The following KIRREL3 variants were observed in gnomAD, a reference collection of about 807,000 sequenced individuals.
KIRREL3 encodes the protein kin of IRRE-like protein 3.
In KIRREL3, 36 loss-of-function variants were observed where a neutral mutation model predicts 89.7. That is an observed-to-expected ratio of 0.40 (90% CI 0.31 to 0.53). The LOEUF (loss-of-function observed/expected upper bound fraction) is 0.53. Among genes scored for constraint, KIRREL3 ranks in the 20% least tolerant of loss-of-function variants. The pLI is 0.49. For synonymous variants in KIRREL3, 445 were observed against 441.4 expected, an observed-to-expected ratio of 1.01 and a Z score of -0.10; for missense variants, 864 against 1,056.6, an observed-to-expected ratio of 0.82 and a Z score of 2.53.
chr11:126,607,046 T>G lies in KIRREL3; in HGVS notation c.56-44134A>C, dbSNP rs1404779877. Among the ~76,000 whole-genome samples, 1 of 152,188 alleles carries G rather than the reference T, an allele frequency of 6.6e-6. No individual in the cohort carries two copies. Among genetic ancestry groups the G allele is most frequent in the Non-Finnish European group, 1.5e-5 (1 of 68,032 alleles). On this transcript the variant is annotated intron_variant, in intron 1 of 16. Transcript: ENST00000525144. The surrounding 1 kb of genome is among the most constrained non-coding windows in gnomAD (Gnocchi z 6.6). ...CCACATGTTTATCCTTATTAAGCAG[T>G]TGTTCTCTTCCAAGGGGCTCTCTCT...
At chr11:126,770,971 G>A (rs1338870734) in intron 1 of KIRREL3, among the ~76,000 whole-genome samples, 2 of 152,164 alleles carry the variant, frequency 1.3e-5, no homozygotes, top group African/African-American at 4.8e-5. Context: ...GAGTAGCTGG[G>A]ATTACAGGTG....
Position 126,682,009 on chromosome 11 carries a change from A to G in KIRREL3, c.56-119097T>C, listed in dbSNP as rs1946478952. 2.5e-6 allele frequency: 1 copy of G among 393,788 alleles called. No individual in the cohort carries two copies. Among genetic ancestry groups the G allele is most frequent in the Non-Finnish European group, 5.1e-6 (1 of 197,384 alleles). 24.4% of individuals were successfully genotyped at this position (393,788 alleles called of 1,614,324 possible). ...TTTGGGAATCAGGAGACCAGATGTCAAGACTGGACTACATCTTTATATTCA... is the reference window on the plus strand; with the variant it reads ...TTTGGGAATCAGGAGACCAGATGTCGAGACTGGACTACATCTTTATATTCA... On this transcript the variant is annotated intron_variant, in intron 1 of 16. Transcript: ENST00000525144. This position sits in a 1 kb window ranked among gnomAD's most constrained non-coding sequence, Gnocchi z 4.8.
chr11:126,995,381 C>T lies in KIRREL3; in HGVS notation c.55+5074G>A, dbSNP rs1950154639. The T allele has an allele frequency of 2.2e-6, 1 of 455,466 alleles. No homozygotes were observed. The highest frequency in any genetic ancestry group is 4.4e-6 in the Non-Finnish European group (1 of 226,332). The allele number at this position is 455,466 out of a possible 1,614,324, so 28.2% of individuals were successfully genotyped here. Reference sequence around the variant, plus strand: ...CTTCTCCACTGATGAATTAGAACACCCCTCTTCCCAGGCACAGGACGAGTT... The same window carrying T: ...CTTCTCCACTGATGAATTAGAACACTCCTCTTCCCAGGCACAGGACGAGTT... On this transcript the variant is annotated intron_variant, in intron 1 of 16. Transcript: ENST00000525144. The surrounding 1 kb of genome is among the most constrained non-coding windows in gnomAD (Gnocchi z 6.5).
chr11:126,594,016 A>G lies in KIRREL3; in HGVS notation c.56-31104T>C, dbSNP rs1342232239. On this transcript the variant is annotated intron_variant, in intron 1 of 16. Transcript: ENST00000525144. The surrounding 1 kb of genome is among the most constrained non-coding windows in gnomAD (Gnocchi z 5.0). ...GAGAACAAAGAGATGACATTTGCAGAAACTCCTGCCTTTCACTTTCTGCTT... is the reference window on the plus strand; with the variant it reads ...GAGAACAAAGAGATGACATTTGCAGGAACTCCTGCCTTTCACTTTCTGCTT... Among the ~76,000 whole-genome samples, 1 of 152,206 alleles carries G rather than the reference A, an allele frequency of 6.6e-6. No homozygotes were observed. Among genetic ancestry groups the G allele is most frequent in the Non-Finnish European group, 1.5e-5 (1 of 68,036 alleles).
chr11:126,756,944 C>A (rs1015048964), intron 1 of KIRREL3, among the ~76,000 whole-genome samples: 2 of 152,200 alleles, frequency 1.3e-5, no homozygotes, highest in African/African-American at 4.8e-5. Flanking sequence ...TCTTTGAGTG[C>A]CTGGCCAGAC....
intron 11 of KIRREL3, among the ~76,000 whole-genome samples, chr11:126,437,929 C>T (rs546544981): frequency 1.3e-5 from 2 of 152,202 alleles, no homozygotes. Flanking sequence ...ACACACACTA[C>T]CAACAGATAC....
At position 126,788,173 on chromosome 11, in the gene KIRREL3, TG is replaced by T. The variant is rs1463294703; in HGVS notation, c.55+212281del. Among the ~76,000 whole-genome samples the T allele has an allele frequency of 6.6e-6, 1 of 152,230 alleles. No homozygotes were observed. The highest frequency in any genetic ancestry group is 2.4e-5 in the African/African-American group (1 of 41,466). The stretch of plus-strand genomic sequence containing the variant: ...GTGCAAAAAGAGTGGGTGATGGAGT[TG>T]GGCTTGGGACAAATGCACAATCTGG... On this transcript the variant is annotated intron_variant, in intron 1 of 16. Coordinates refer to ENST00000525144, the MANE Select transcript of KIRREL3 (RefSeq NM_032531.4). The surrounding 1 kb of genome is among the most constrained non-coding windows in gnomAD (Gnocchi z 4.1).
rs1950080184 is a variant in KIRREL3, at chr11:126,773,487, A to G, written c.56-210575T>C. On this transcript the variant is annotated intron_variant, in intron 1 of 16. Transcript: ENST00000525144. The surrounding 1 kb of genome is among the most constrained non-coding windows in gnomAD (Gnocchi z 4.2). ...CCATCGTTGTGTGAGCCAGTCCCTT[A>G]AAATAAATCTGTCTTTCTCTATATA... Among the ~76,000 whole-genome samples the G allele has an allele frequency of 6.6e-6, 1 of 152,218 alleles. No individual in the cohort carries two copies. The highest frequency in any genetic ancestry group is 1.5e-5 in the Non-Finnish European group (1 of 68,040).
Position 126,970,426 on chromosome 11 carries a change from C to T in KIRREL3, c.55+30029G>A, listed in dbSNP as rs1450243572. Among the ~76,000 whole-genome samples, 1 of 152,078 alleles carries T rather than the reference C, an allele frequency of 6.6e-6. No homozygotes were observed. The highest frequency in any genetic ancestry group is 1.5e-5 in the Non-Finnish European group (1 of 68,008). On this transcript the variant is annotated intron_variant, in intron 1 of 16. Coordinates refer to ENST00000525144, the MANE Select transcript of KIRREL3 (RefSeq NM_032531.4). This position sits in a 1 kb window ranked among gnomAD's most constrained non-coding sequence, Gnocchi z 4.4. ...GTTAAGTGATAGTTGTGCCAATAAA[C>T]AGAAGACCCTAGGTGTGTAGCGACA...
At chr11:126,509,716 C>A (rs1174835253) in intron 4 of KIRREL3, among the ~76,000 whole-genome samples, 4 of 152,298 alleles carry the variant, frequency 2.6e-5, no homozygotes, top group East Asian at 3.9e-4. Flanking sequence ...TCAAATTGGG[C>A]CCAGCGTGGT....
rs1161096364 is a variant in KIRREL3, at chr11:126,484,002, G to T, written c.434-10536C>A. Among the ~76,000 whole-genome samples, 1 of 152,220 alleles carries T rather than the reference G, an allele frequency of 6.6e-6. No individual in the cohort carries two copies. The highest frequency in any genetic ancestry group is 1.5e-5 in the Non-Finnish European group (1 of 68,046). On this transcript the variant is annotated intron_variant, in intron 4 of 16. Transcript: ENST00000525144. The surrounding 1 kb of genome is among the most constrained non-coding windows in gnomAD (Gnocchi z 5.2). The stretch of plus-strand genomic sequence containing the variant: ...TGTGCCCGCCTCAGCAGGTACATGT[G>T]GTGCCTGGCGCCATTACCACCTGTT...
At chr11:126,913,623 G>A (rs1158324259) in intron 1 of KIRREL3, among the ~76,000 whole-genome samples, 3 of 152,212 alleles carry the variant, frequency 2.0e-5, no homozygotes, top group Non-Finnish European at 4.4e-5. Context: ...TCATCAAGCG[G>A]TACCTAACTC....
intron 1 of KIRREL3, among the ~76,000 whole-genome samples, chr11:126,717,854 A>G (rs1948026834): frequency 6.6e-6 from 1 of 152,230 alleles, no homozygotes; most frequent in South Asian, 2.1e-4. Flanking sequence ...TAGAAATAAC[A>G]GTGTTCAGAA....
intron 1 of KIRREL3, among the ~76,000 whole-genome samples, chr11:126,866,999 C>T (rs1010897304): frequency 2.9e-4 from 44 of 152,308 alleles, no homozygotes; most frequent in East Asian, 3.9e-4. Context: ...TCTGTCCTTG[C>T]GATAAGGCAG....
Position 126,429,166 on chromosome 11 carries a change from A to G in KIRREL3, c.1806+13T>C. The G allele has an allele frequency of 6.4e-7, 1 of 1,559,874 alleles. No individual in the cohort carries two copies. Among genetic ancestry groups the G allele is most frequent in the South Asian group, 1.1e-5 (1 of 89,760 alleles). ...GAGTCACGGGATGGGATGGGGCGTAATTGCATTCTTACCATCAGCTGCTTG... is the reference window on the plus strand; with the variant it reads ...GAGTCACGGGATGGGATGGGGCGTAGTTGCATTCTTACCATCAGCTGCTTG... On this transcript the variant is annotated intron_variant, in intron 15 of 16. Coordinates refer to ENST00000525144, the MANE Select transcript of KIRREL3 (RefSeq NM_032531.4). This position sits in a 1 kb window ranked among gnomAD's most constrained non-coding sequence, Gnocchi z 5.2.
At position 126,897,970 on chromosome 11, in the gene KIRREL3, G is replaced by A. The variant is rs567877947; in HGVS notation, c.55+102485C>T. On this transcript the variant is annotated intron_variant, in intron 1 of 16. Transcript: ENST00000525144. The surrounding 1 kb of genome is among the most constrained non-coding windows in gnomAD (Gnocchi z 4.2). ...GGGGGAGTGGGTGGGAGCTTGGACT[G>A]TCCACACTGGTCTAGCACTATTGTG... Among the ~76,000 whole-genome samples the A allele has an allele frequency of 1.3e-5, 2 of 152,294 alleles. No homozygotes were observed. Among genetic ancestry groups the A allele is most frequent in the South Asian group, 4.1e-4 (2 of 4,820 alleles).
intron 5 of KIRREL3, among the ~76,000 whole-genome samples, chr11:126,464,910 C>T (rs11220505): frequency 0.18 from 27,615 of 152,164 alleles, 2,701 homozygotes; most frequent in Non-Finnish European, 0.23. Flanking sequence ...TGGTCTCCCA[C>T]CTTCCCAGGT....
intron 1 of KIRREL3, among the ~76,000 whole-genome samples, chr11:126,881,238 G>A (rs73030486): frequency 0.022 from 3,412 of 152,240 alleles, 48 homozygotes; most frequent in South Asian, 0.031. Context: ...GCTGAACTTT[G>A]CATGCGACTC....
At position 126,782,066 on chromosome 11, in the gene KIRREL3, G is replaced by A. The variant is rs1353127411; in HGVS notation, c.55+218389C>T. 6.8e-6 allele frequency among the ~76,000 whole-genome samples: 1 copy of A among 148,048 alleles called. No homozygotes were observed. Among genetic ancestry groups the A allele is most frequent in the Non-Finnish European group, 1.5e-5 (1 of 66,622 alleles). Reference sequence around the variant, plus strand: ...ACTAGGATTAAAGCAGAGACAATGCGATGTGCTCAGCATATAATTTCCTCC... The same window carrying A: ...ACTAGGATTAAAGCAGAGACAATGCAATGTGCTCAGCATATAATTTCCTCC... On this transcript the variant is annotated intron_variant, in intron 1 of 16. Coordinates refer to ENST00000525144, the MANE Select transcript of KIRREL3 (RefSeq NM_032531.4). This position sits in a 1 kb window ranked among gnomAD's most constrained non-coding sequence, Gnocchi z 4.1.
Sources: gnomAD v4.1 joint callset for allele counts (sites outside exome capture counted in the v4.1 genomes callset) on GRCh38, gnomAD v4.1.1 for gene constraint, Gnocchi (gnomAD v3.1) non-coding constraint, MANE v1.5 for transcripts, NCBI Gene and HGNC (gene_info 2026-07-23, HGNC 2026-07-21) for gene names.